The following LHFPL3 variants were observed in gnomAD, a reference collection of about 807,000 sequenced individuals.
LHFPL3 encodes LHFPL tetraspan subfamily member 3 protein.
In LHFPL3, 5 loss-of-function variants were observed where a neutral mutation model predicts 19.3. That is an observed-to-expected ratio of 0.26 (90% CI 0.14 to 0.54). The LOEUF (loss-of-function observed/expected upper bound fraction) is 0.54, where lower values mean the gene tolerates loss of function less well. LHFPL3 is among the 20% of genes least tolerant of loss of function. The pLI is 0.94. For missense variants in LHFPL3, 249 were observed against 307.4 expected, an observed-to-expected ratio of 0.81 and a Z score of 1.42; for synonymous variants, 133 against 126.2, an observed-to-expected ratio of 1.05 and a Z score of -0.36.
chr7:104,900,882 T>A (rs1314619965), intron 2 of LHFPL3, among the ~76,000 whole-genome samples: 1 of 152,184 alleles, frequency 6.6e-6, no homozygotes, highest in African/African-American at 2.4e-5. Context: ...TGAACAAAGA[T>A]CCAAAGCAGC....
intron 2 of LHFPL3, among the ~76,000 whole-genome samples, chr7:104,842,295 T>TG (rs1243174669): frequency 1.6e-3 from 7 of 4,324 alleles, no homozygotes; most frequent in African/African-American, 3.4e-3. Context: ...TTTGCGGGGG[T>TG]GGGGGGGTGG....
At chr7:104,417,383 G>T (rs904104940) in intron 1 of LHFPL3, among the ~76,000 whole-genome samples, 1 of 152,100 alleles carries the variant, frequency 6.6e-6, no homozygotes, top group African/African-American at 2.4e-5. Context: ...CCAATATTAA[G>T]TGATTTTTAA....
At chr7:104,820,068 G>A (rs1248798009) in intron 2 of LHFPL3, among the ~76,000 whole-genome samples, 1 of 152,096 alleles carries the variant, frequency 6.6e-6, no homozygotes, top group African/African-American at 2.4e-5. Context: ...ATCTCTCCAG[G>A]AAAATTGAAC....
chr7:104,500,082 A>C (rs1383898390), intron 1 of LHFPL3, among the ~76,000 whole-genome samples: 1 of 152,194 alleles, frequency 6.6e-6, no homozygotes, highest in Non-Finnish European at 1.5e-5. Context: ...GTCTGTTTCC[A>C]GGACTGATTC....
intron 2 of LHFPL3, chr7:104,895,992 G>A (rs1792350479): frequency 6.6e-6 from 1 of 152,294 alleles, no homozygotes; most frequent in Admixed American, 6.5e-5. Flanking sequence ...TCCTTGGCTT[G>A]TAGATGGCGG....
intron 1 of LHFPL3, among the ~76,000 whole-genome samples, chr7:104,629,187 T>G (rs182636620): frequency 1.2e-4 from 18 of 152,304 alleles, no homozygotes. Context: ...CCCACATTTC[T>G]TCTGATGTAT....
At chr7:104,397,073 T>A (rs1165680481) in intron 1 of LHFPL3, among the ~76,000 whole-genome samples, 1 of 152,126 alleles carries the variant, frequency 6.6e-6, no homozygotes, top group African/African-American at 2.4e-5. Context: ...GAAGTTTCCA[T>A]GAAAATCTGG....
At chr7:104,333,715 T>G (rs1801611691) in intron 1 of LHFPL3, among the ~76,000 whole-genome samples, 1 of 152,252 alleles carries the variant, frequency 6.6e-6, no homozygotes, top group East Asian at 1.9e-4. Flanking sequence ...TTTGAAATGT[T>G]ATACCATCCT....
chr7:104,608,893 A>G (rs1584436416), intron 1 of LHFPL3, among the ~76,000 whole-genome samples: 1 of 152,212 alleles, frequency 6.6e-6, no homozygotes, highest in East Asian at 1.9e-4. Flanking sequence ...AATGATGTGC[A>G]TATAATGAGG....
At position 104,472,090 on chromosome 7, in the gene LHFPL3, TC is replaced by T. The variant is rs144320745; in HGVS notation, c.445+142867del. ...TACTCAGGAGGCTGAGGTAGGAGGA[TC>T]ACTTGAGCCCAGGAGGTCGAGGCTG... On this transcript the variant is annotated intron_variant, in intron 1 of 2. Transcript: ENST00000424859. 4.6e-3 allele frequency among the ~76,000 whole-genome samples: 697 copies of T among 151,280 alleles called. 2 individuals are homozygous for T. Among genetic ancestry groups the T allele is most frequent in the African/African-American group, 0.016 (670 of 41,092 alleles).
chr7:104,414,519 A>G (rs1384454546), intron 1 of LHFPL3, among the ~76,000 whole-genome samples: 1 of 152,228 alleles, frequency 6.6e-6, no homozygotes, highest in Non-Finnish European at 1.5e-5. Context: ...TGATATTTTT[A>G]AGAAAATTGT....
chr7:104,548,746 T>C (rs1365999828), intron 1 of LHFPL3, among the ~76,000 whole-genome samples: 3 of 152,098 alleles, frequency 2.0e-5, no homozygotes, highest in Non-Finnish European at 2.9e-5. Flanking sequence ...TCTGTATCTT[T>C]CTATGAAAGA....
Position 104,819,069 on chromosome 7 carries a change from G to A in LHFPL3, c.682+82158G>A, listed in dbSNP as rs1340603852. The stretch of plus-strand genomic sequence containing the variant: ...TAATGTTTATTTTGCATGCCTTCAA[G>A]AGTTAGGCAAAGCCCAAATCAGTCT... On this transcript the variant is annotated intron_variant, in intron 2 of 2. Coordinates refer to ENST00000424859, the MANE Select transcript of LHFPL3 (RefSeq NM_199000.3). Among the ~76,000 whole-genome samples, 7 of 152,002 alleles carry A rather than the reference G, an allele frequency of 4.6e-5. No individual in the cohort carries two copies. In the South Asian group the frequency reaches 1.5e-3, roughly 32 times the overall value.
At chr7:104,531,713 G>A (rs780047894) in intron 1 of LHFPL3, among the ~76,000 whole-genome samples, 3 of 152,146 alleles carry the variant, frequency 2.0e-5, no homozygotes, top group Non-Finnish European at 4.4e-5. Flanking sequence ...AGAGCCACAA[G>A]CTCAGGAGCA....
chr7:104,562,285 C>T (rs1259857025), intron 1 of LHFPL3, among the ~76,000 whole-genome samples: 1 of 152,002 alleles, frequency 6.6e-6, no homozygotes, highest in African/African-American at 2.4e-5. Flanking sequence ...TGTTTTCCAA[C>T]TTGGTTCCAT....
chr7:104,424,334 G>A (rs1791795691), intron 1 of LHFPL3, among the ~76,000 whole-genome samples: 1 of 152,210 alleles, frequency 6.6e-6, no homozygotes, highest in Non-Finnish European at 1.5e-5. Flanking sequence ...GCACAGAAGT[G>A]CGGCTGTACG....
At position 104,506,748 on chromosome 7, in the gene LHFPL3, G is replaced by C. The variant is rs530695820; in HGVS notation, c.445+177524G>C. Among the ~76,000 whole-genome samples the C allele has an allele frequency of 5.1e-4, 78 of 152,318 alleles. 3 individuals carry two copies. The South Asian group carries it at 0.015, about 29-fold the overall frequency. On this transcript the variant is annotated intron_variant, in intron 1 of 2. Coordinates refer to ENST00000424859, the MANE Select transcript of LHFPL3 (RefSeq NM_199000.3). ...CATTTGGTCATGGAACGCAAGGAAG[G>C]TAAAATTTTACCAGGAGTATCCAAG...
At chr7:104,593,250 G>A (rs200509770) in intron 1 of LHFPL3, among the ~76,000 whole-genome samples, 11 of 151,914 alleles carry the variant, frequency 7.2e-5, no homozygotes, top group Admixed American at 2.0e-4. Context: ...CTTTGTTCTC[G>A]TTGGTTTCAA....
intron 1 of LHFPL3, among the ~76,000 whole-genome samples, chr7:104,536,287 T>G (rs1263421620): frequency 1.3e-5 from 2 of 152,156 alleles, no homozygotes; most frequent in African/African-American, 4.8e-5. Context: ...TGCAACTGGG[T>G]GACATCTGTA....
Sources: allele counts gnomAD v4.1 joint callset (sites outside exome capture counted in the v4.1 genomes callset), GRCh38; gene constraint gnomAD v4.1.1; transcripts MANE v1.5; gene names NCBI Gene and HGNC (gene_info 2026-07-23, HGNC 2026-07-21).